Variants in SGK3 observed in about 807,000 individuals in gnomAD.
SGK3 encodes serine/threonine-protein kinase Sgk3.
A neutral mutation model predicts 68.5 loss-of-function variants in SGK3; 47 were observed. The ratio of observed to expected loss-of-function variants is 0.69; its 90% CI spans 0.54 to 0.87. The LOEUF (loss-of-function observed/expected upper bound fraction) is 0.87, where lower values mean the gene tolerates loss of function less well. Among genes scored for constraint, SGK3 ranks in the 40% least tolerant of loss-of-function variants. The probability of loss-of-function intolerance (pLI) is 0.00; values close to 1 mark genes in which losing one functional copy is unlikely to be tolerated. For missense variants in SGK3, 479 were observed against 575.5 expected, an observed-to-expected ratio of 0.83 and a Z score of 1.72; for synonymous variants, 181 against 189.1, an observed-to-expected ratio of 0.96 and a Z score of 0.35.
rs1804524015 is a variant in SGK3 at position 66,712,808 on chromosome 8, C to A, written c.-147C>A. The A allele has an allele frequency of 6.6e-6, 1 of 151,370 alleles. No individual in the cohort carries two copies. The highest frequency in any genetic ancestry group is 2.4e-5 in the African/African-American group (1 of 41,360). The allele number at this position is 151,370 out of a possible 1,614,324, so 9.4% of individuals were successfully genotyped here. A position where few individuals can be genotyped will look rare whatever the true frequency, so the allele number is the denominator to read the frequency against. On this transcript the variant is annotated 5_prime_UTR_variant, in exon 1 of 17. Transcript: ENST00000521198. ...AGTGCGTTCGGCTCCGCGCCCGCCG[C>A]GCCGGGAGCAGCACCGCGGGGCCAG...
At chr8:66,844,037 T>C (rs981332720) in intron 14 of SGK3, among the ~76,000 whole-genome samples, 1 of 149,718 alleles carries the variant, frequency 6.7e-6, no homozygotes, top group Non-Finnish European at 1.5e-5. Flanking sequence ...TATTTGTTAC[T>C]AGTTTTTTTA....
intron 1 of SGK3, among the ~76,000 whole-genome samples, chr8:66,754,836 C>T (rs926380151): frequency 6.6e-6 from 1 of 152,244 alleles, no homozygotes; most frequent in African/African-American, 2.4e-5. Flanking sequence ...TCATTTTCTC[C>T]TGCTTATACA....
intron 1 of SGK3, among the ~76,000 whole-genome samples, chr8:66,731,935 A>AT (rs1026615620): frequency 6.6e-6 from 1 of 152,188 alleles, no homozygotes; most frequent in Non-Finnish European, 1.5e-5. Context: ...ATGTGCTGGA[A>AT]TATTTTTTTC....
At chr8:66,843,864 G>A (rs1809897228) in intron 14 of SGK3, among the ~76,000 whole-genome samples, 1 of 152,084 alleles carries the variant, frequency 6.6e-6, no homozygotes, top group East Asian at 1.9e-4. Flanking sequence ...GTGTGGTAGT[G>A]CATACTGTAG....
intron 1 of SGK3, among the ~76,000 whole-genome samples, chr8:66,732,327 A>T (rs1805180596): frequency 6.6e-6 from 1 of 152,094 alleles, no homozygotes; most frequent in African/African-American, 2.4e-5. Context: ...AAATGATATA[A>T]TTTAACTTTG....
chr8:66,752,568 G>A (rs568004673), intron 1 of SGK3, among the ~76,000 whole-genome samples: 2 of 152,146 alleles, frequency 1.3e-5, no homozygotes, highest in African/African-American at 4.8e-5. Context: ...CCAGAGAAAG[G>A]AGTAGGAGTT....
chr8:66,843,679 C>A, intron 14 of SGK3, 132 bp downstream of exon 14: 2 of 888,972 alleles, frequency 2.2e-6, no homozygotes, highest in Admixed American at 3.0e-5. Flanking sequence ...GTTAAATGAA[C>A]CCAAACCCAC....
intron 1 of SGK3, among the ~76,000 whole-genome samples, chr8:66,755,213 C>CA (rs1051097274): frequency 5.5e-5 from 8 of 146,552 alleles, no homozygotes; most frequent in Non-Finnish European, 1.2e-4. Context: ...GAGCCGAGAT[C>CA]ACACCACTGC....
intron 2 of SGK3, among the ~76,000 whole-genome samples, chr8:66,796,880 TTG>T (rs1417555077): frequency 2.0e-5 from 3 of 150,270 alleles, no homozygotes; most frequent in Non-Finnish European, 4.4e-5. Context: ...TAATGTCATA[TTG>T]TATTAAGTAT....
At chr8:66,777,339 TTC>T (rs779686350) in intron 1 of SGK3, among the ~76,000 whole-genome samples, 7 of 152,232 alleles carry the variant, frequency 4.6e-5, no homozygotes, top group Non-Finnish European at 1.0e-4. Flanking sequence ...GCCAGTTGTG[TTC>T]ACTGTTGTAT....
At chr8:66,847,031 A>G (rs1296862712) in intron 14 of SGK3, among the ~76,000 whole-genome samples, 162 bp from the exon 15 acceptor site, 1 of 152,228 alleles carries the variant, frequency 6.6e-6, no homozygotes, top group South Asian at 2.1e-4. Flanking sequence ...GTTCGGTTTT[A>G]GAATCTCTTT....
In SGK3 at chr8:66,793,771, G is replaced by T; in HGVS notation, c.35G>T (p.Ser12Ile). 6.2e-7 allele frequency: 1 copy of T among 1,613,448 alleles called. No homozygotes were observed. Among genetic ancestry groups the T allele is most frequent in the Non-Finnish European group, 8.5e-7 (1 of 1,179,628 alleles). The change falls in exon 2 of 17, where the codon AGC becomes ATC. Residue 12 changes from serine (S) to isoleucine (I), a missense_variant. Transcript: ENST00000521198. ...GATCACACCATGGACTACAAGGAAA[G>T]CTGCCCAAGTGTAAGCATTCCCAGC... is the stretch of plus-strand genomic sequence containing the variant. ...QRDHTMDYKESCPSVSIPSSD... is the reference protein window; with the variant it reads ...QRDHTMDYKEICPSVSIPSSD...
chr8:66,844,829 G>A (rs1250381920), intron 14 of SGK3, among the ~76,000 whole-genome samples: 2 of 152,194 alleles, frequency 1.3e-5, no homozygotes, highest in South Asian at 2.1e-4. Context: ...ATAGATTCCT[G>A]TGAAAGCCAA....
intron 5 of SGK3, among the ~76,000 whole-genome samples, chr8:66,816,429 T>C (rs1217068936): frequency 7.1e-6 from 1 of 140,760 alleles, no homozygotes; most frequent in African/African-American, 2.7e-5. Context: ...CACTGCAACC[T>C]CTGCCTCCCA....
At chr8:66,714,356 A>G (rs992035873) in intron 1 of SGK3, among the ~76,000 whole-genome samples, 6 of 152,220 alleles carry the variant, frequency 3.9e-5, no homozygotes, top group African/African-American at 1.4e-4. Flanking sequence ...ATATTTTTTC[A>G]GAATAACATG....
intron 15 of SGK3, among the ~76,000 whole-genome samples, chr8:66,849,628 C>T (rs1425805233): frequency 5.8e-5 from 8 of 137,446 alleles, no homozygotes. Flanking sequence ...CAGGGTTTTG[C>T]TCTGTCACCG....
At chr8:66,810,333 T>C (rs1808334875) in intron 4 of SGK3, among the ~76,000 whole-genome samples, 1 of 151,980 alleles carries the variant, frequency 6.6e-6, no homozygotes. Flanking sequence ...TAGCAGAATG[T>C]TGATAAATTT....
chr8:66,746,756 T>G (rs963470384), intron 1 of SGK3, among the ~76,000 whole-genome samples: 6 of 152,150 alleles, frequency 3.9e-5, no homozygotes, highest in African/African-American at 1.4e-4. Flanking sequence ...AGACCAGGTC[T>G]CGCTATGTTG....
chr8:66,778,792 G>A (rs1160178841), intron 1 of SGK3, among the ~76,000 whole-genome samples: 3 of 152,190 alleles, frequency 2.0e-5, no homozygotes, highest in Non-Finnish European at 4.4e-5. Flanking sequence ...GGTGTAGGGA[G>A]AGCAGCATGT....
Sources: gnomAD v4.1 joint callset for allele counts (sites outside exome capture counted in the v4.1 genomes callset) on GRCh38, gnomAD v4.1.1 for gene constraint, MANE v1.5 for transcripts, NCBI Gene and HGNC (gene_info 2026-07-23, HGNC 2026-07-21) for gene names.